The following TGFBR2 variants were observed in gnomAD, a reference collection of about 807,000 sequenced individuals.
TGFBR2 encodes transforming growth factor beta receptor 2, also known as TGF-beta receptor type-2.
TGFBR2 carries 18 observed loss-of-function variants against 49.0 expected under a neutral mutation model. That is an observed-to-expected ratio of 0.37 (90% CI 0.25 to 0.54). The LOEUF (loss-of-function observed/expected upper bound fraction) is 0.54, where lower values mean the gene tolerates loss of function less well. Ranked by LOEUF, TGFBR2 falls within the 20% of genes least tolerant of loss-of-function variation. The pLI, the probability that TGFBR2 is intolerant of heterozygous loss-of-function variation, is 0.85. For synonymous variants in TGFBR2, 282 were observed against 275.9 expected, an observed-to-expected ratio of 1.02 and a Z score of -0.22; for missense variants, 525 against 722.6, an observed-to-expected ratio of 0.73 and a Z score of 3.13.
chr3:30,613,759 G>A (rs1328663820), intron 1 of TGFBR2, among the ~76,000 whole-genome samples: 1 of 152,190 alleles, frequency 6.6e-6, no homozygotes, highest in African/African-American at 2.4e-5. Flanking sequence ...ACATTGAAAA[G>A]ATATATTTGT....
rs1473671440 is a variant in TGFBR2 at position 30,607,814 on chromosome 3, TATATATATATAA to T, written c.94+850_94+861del. On this transcript the variant is annotated intron_variant, in intron 1 of 6. Coordinates refer to ENST00000295754, the MANE Select transcript of TGFBR2 (RefSeq NM_003242.6). ...AAAATAAAAAAATATATATATATAT[TATATATATATAA>T]ATATATATATAATTATATATATAAA... Among the ~76,000 whole-genome samples the T allele has an allele frequency of 5.2e-4, 68 of 131,964 alleles. No individual in the cohort carries two copies. In the South Asian group the frequency reaches 0.015, roughly 30 times the overall value. The allele number at this position is 131,964 out of a possible 152,430, so 86.6% of individuals were successfully genotyped here. A position where few individuals can be genotyped will look rare whatever the true frequency, so the allele number is the denominator to read the frequency against.
chr3:30,623,026 T>C (rs1298671158), intron 1 of TGFBR2, among the ~76,000 whole-genome samples: 1 of 151,648 alleles, frequency 6.6e-6, no homozygotes, highest in Non-Finnish European at 1.5e-5. Flanking sequence ...GAGGGAAAAA[T>C]GTCTAGTCTG....
intron 1 of TGFBR2, among the ~76,000 whole-genome samples, chr3:30,637,127 G>A (rs913574254): frequency 1.3e-5 from 2 of 151,512 alleles, no homozygotes; most frequent in African/African-American, 4.9e-5. Context: ...GTGTCAACCA[G>A]GGTTCCAGTT....
At chr3:30,666,970 A>G (rs2125428487) in intron 3 of TGFBR2, among the ~76,000 whole-genome samples, 1 of 152,210 alleles carries the variant, frequency 6.6e-6, no homozygotes, top group African/African-American at 2.4e-5. Context: ...GCTCTCACCA[A>G]TATGAAGTTT....
intron 2 of TGFBR2, among the ~76,000 whole-genome samples, chr3:30,649,313 T>C (rs17025925): frequency 0.044 from 6,656 of 152,220 alleles, 494 homozygotes; most frequent in African/African-American, 0.15. Flanking sequence ...GGGAGGTAGA[T>C]AGAGAGGTGA....
chr3:30,670,168 A>G (rs1412553051), intron 3 of TGFBR2, among the ~76,000 whole-genome samples: 1 of 152,010 alleles, frequency 6.6e-6, no homozygotes, highest in Non-Finnish European at 1.5e-5. Flanking sequence ...TTTCTCCTTA[A>G]CATAGCACTC....
At chr3:30,667,602 C>G (rs1180783397) in intron 3 of TGFBR2, among the ~76,000 whole-genome samples, 1 of 152,152 alleles carries the variant, frequency 6.6e-6, no homozygotes, top group Non-Finnish European at 1.5e-5. Flanking sequence ...TTTCTAGAAT[C>G]TTCTTCAGTC....
At chr3:30,631,755 A>G (rs1312789201) in intron 1 of TGFBR2, among the ~76,000 whole-genome samples, 3 of 151,786 alleles carry the variant, frequency 2.0e-5, no homozygotes, top group African/African-American at 7.3e-5. Flanking sequence ...TCATTTTTCA[A>G]AATGAAAGGG....
intron 1 of TGFBR2, among the ~76,000 whole-genome samples, chr3:30,623,555 T>C (rs1362747132): frequency 6.6e-6 from 1 of 152,230 alleles, no homozygotes; most frequent in Non-Finnish European, 1.5e-5. Flanking sequence ...CATTTTACTT[T>C]TCCCCTTTTC....
chr3:30,630,427 AC>A (rs1698413488), intron 1 of TGFBR2, among the ~76,000 whole-genome samples: 1 of 152,194 alleles, frequency 6.6e-6, no homozygotes, highest in African/African-American at 2.4e-5. Context: ...TTATTTCAGC[AC>A]ACAAATGTGG....
chr3:30,630,861 G>C (rs1698423673), intron 1 of TGFBR2, among the ~76,000 whole-genome samples: 1 of 151,982 alleles, frequency 6.6e-6, no homozygotes, highest in African/African-American at 2.4e-5. Context: ...GCAGGAAAGG[G>C]GGCTCTTACG....
chr3:30,636,576 C>G (rs1214099182), intron 1 of TGFBR2, among the ~76,000 whole-genome samples: 1 of 152,080 alleles, frequency 6.6e-6, no homozygotes, highest in Non-Finnish European at 1.5e-5. Context: ...ATAGAAAATT[C>G]AAAAGTAACA....
At position 30,691,756 on chromosome 3, in the gene TGFBR2, C is replaced by T; in HGVS notation, c.*157C>T. On this transcript the variant is annotated 3_prime_UTR_variant, in exon 7 of 7. Transcript: ENST00000295754. ...TGGGGATAAGCAGAAACAACAGCAGCAGGGAGTGGGTGACATAGAGCATTC... is the reference window on the plus strand; with the variant it reads ...TGGGGATAAGCAGAAACAACAGCAGTAGGGAGTGGGTGACATAGAGCATTC... 1.3e-6 allele frequency: 1 copy of T among 769,928 alleles called. No homozygotes were observed. The highest frequency in any genetic ancestry group is 2.2e-6 in the Non-Finnish European group (1 of 449,548). 47.7% of individuals were successfully genotyped at this position (769,928 alleles called of 1,614,324 possible).
intron 5 of TGFBR2, among the ~76,000 whole-genome samples, chr3:30,687,702 A>T (rs1033078850): frequency 6.6e-6 from 1 of 152,194 alleles, no homozygotes; most frequent in Non-Finnish European, 1.5e-5. Flanking sequence ...AATTTGCTCA[A>T]CTGAAATTCT....
rs1699359661 is a variant in TGFBR2 at position 30,672,359 on chromosome 3, C to G, written c.1176C>G (p.Thr392=). The G allele has an allele frequency of 1.2e-6, 2 of 1,614,038 alleles. No homozygotes were observed. The highest frequency in any genetic ancestry group is 8.5e-7 in the Non-Finnish European group (1 of 1,180,000). ...SSNILVKNDL[T]CCLCDFGLSL... ...ATATCCTCGTGAAGAACGACCTAAC[C>G]TGCTGCCTGTGTGACTTTGGGCTTT... Residue 392 remains threonine (T), a synonymous_variant, in exon 4 of 7, where the codon ACC becomes ACG. Coordinates refer to ENST00000295754, the MANE Select transcript of TGFBR2 (RefSeq NM_003242.6). The surrounding 1 kb of genome is among the most constrained non-coding windows in gnomAD (Gnocchi z 4.5).
chr3:30,655,469 A>G (rs985951551), intron 3 of TGFBR2, among the ~76,000 whole-genome samples: 1 of 152,194 alleles, frequency 6.6e-6, no homozygotes, highest in African/African-American at 2.4e-5. Flanking sequence ...AAAGCTAACC[A>G]CATCCCTGTC....
At chr3:30,645,406 T>C (rs1480112621) in intron 2 of TGFBR2, among the ~76,000 whole-genome samples, 2 of 152,000 alleles carry the variant, frequency 1.3e-5, no homozygotes, top group African/African-American at 4.8e-5. Context: ...CAACCTGTTT[T>C]TTTAGTCAGA....
intron 5 of TGFBR2, among the ~76,000 whole-genome samples, chr3:30,685,927 C>T (rs1036926332): frequency 9.2e-5 from 14 of 152,160 alleles, no homozygotes; most frequent in African/African-American, 3.1e-4. Flanking sequence ...CAATTTATAT[C>T]ATATACAAAT....
At chr3:30,642,743 A>C (rs1464449170) in intron 1 of TGFBR2, among the ~76,000 whole-genome samples, 1 of 152,268 alleles carries the variant, frequency 6.6e-6, no homozygotes, top group Non-Finnish European at 1.5e-5. Context: ...AATGTTAAAG[A>C]AACCTAAAGT....
Sources: gnomAD v4.1 joint callset for allele counts (sites outside exome capture counted in the v4.1 genomes callset) on GRCh38, gnomAD v4.1.1 for gene constraint, Gnocchi (gnomAD v3.1) non-coding constraint, MANE v1.5 for transcripts, NCBI Gene and HGNC (gene_info 2026-07-23, HGNC 2026-07-21) for gene names.